The following TLK1 variants were observed in gnomAD, a reference collection of about 807,000 sequenced individuals.
TLK1 encodes tousled like kinase 1, also known as serine/threonine-protein kinase tousled-like 1.
TLK1 carries 24 observed loss-of-function variants against 105.3 expected under a neutral mutation model. The ratio of observed to expected loss-of-function variants is 0.23; its 90% confidence interval spans 0.17 to 0.32. The LOEUF is 0.32. Ranked by LOEUF, TLK1 falls within the 10% of genes least tolerant of loss-of-function variation. The probability of loss-of-function intolerance (pLI) is 1.00; values close to 1 mark genes in which losing one functional copy is unlikely to be tolerated. For missense variants in TLK1, 558 were observed against 910.5 expected (o/e 0.61, Z 4.98); for synonymous variants, 321 against 310.4 (o/e 1.03, Z -0.36).
At chr2:171,047,871 A>T (rs1033550240) in intron 10 of TLK1, among the ~76,000 whole-genome samples, 5 of 152,286 alleles carry the variant, frequency 3.3e-5, no homozygotes, top group Admixed American at 1.3e-4. Context: ...ACCAATTATA[A>T]ACGGCTTGAT....
chr2:171,229,078 C>A (rs1490669378), intron 1 of TLK1, among the ~76,000 whole-genome samples: 1 of 152,168 alleles, frequency 6.6e-6, no homozygotes, highest in East Asian at 1.9e-4. Flanking sequence ...CCTCAGGGAA[C>A]AATATGGTCT....
At chr2:171,123,158 T>C (rs996479431) in intron 1 of TLK1, among the ~76,000 whole-genome samples, 5 of 151,976 alleles carry the variant, frequency 3.3e-5, no homozygotes, top group African/African-American at 1.2e-4. Flanking sequence ...CCTCACTTAA[T>C]TGGGGTTTCC....
At chr2:170,995,596 A>C (rs1328592536) in intron 20 of TLK1, among the ~76,000 whole-genome samples, 1 of 152,262 alleles carries the variant, frequency 6.6e-6, no homozygotes, top group Admixed American at 6.5e-5. Flanking sequence ...ATGAGGCTAC[A>C]GACAGAAAAT....
intron 2 of TLK1, among the ~76,000 whole-genome samples, chr2:171,097,051 G>T (rs1467737093): frequency 6.6e-6 from 1 of 152,096 alleles, no homozygotes; most frequent in Non-Finnish European, 1.5e-5. Flanking sequence ...CAAAGCTGGA[G>T]GCATCATAGT....
intron 11 of TLK1, among the ~76,000 whole-genome samples, chr2:171,029,530 T>C (rs764153465): frequency 2.6e-5 from 4 of 152,230 alleles, no homozygotes; most frequent in Non-Finnish European, 5.9e-5. Context: ...GGTCTTGCTT[T>C]AGTGTCCAGG....
chr2:171,194,256 T>C (rs1163782918), intron 1 of TLK1, among the ~76,000 whole-genome samples: 1 of 152,130 alleles, frequency 6.6e-6, no homozygotes, highest in Non-Finnish European at 1.5e-5. Flanking sequence ...ATTGTGCCAT[T>C]TGTGGACTGT....
intron 1 of TLK1, among the ~76,000 whole-genome samples, chr2:171,166,121 A>G (rs1002267944): frequency 1.3e-5 from 2 of 152,266 alleles, no homozygotes; most frequent in African/African-American, 4.8e-5. Flanking sequence ...AAAAGCTACA[A>G]GTTAGAGCTG....
chr2:171,201,070 GA>G lies in TLK1; in HGVS notation c.-6+30074del. Among the ~76,000 whole-genome samples, 9 of 152,072 alleles carry G rather than the reference GA, an allele frequency of 5.9e-5. 1 individual carries two copies. The highest frequency in any genetic ancestry group is 5.9e-4 in the Admixed American group (9 of 15,276). On this transcript the variant is annotated intron_variant, in intron 1 of 20. Transcript: ENST00000521943. ...CTAAGTTTTTTGTATTTTTAGTAGAGAGGGGGTTTTACCATGTTAGCCAGGA... is the reference window on the plus strand; with the variant it reads ...CTAAGTTTTTTGTATTTTTAGTAGAGGGGGGTTTTACCATGTTAGCCAGGA...
chr2:171,157,101 T>G (rs1021335292), intron 1 of TLK1, among the ~76,000 whole-genome samples: 3 of 152,176 alleles, frequency 2.0e-5, no homozygotes, highest in African/African-American at 7.2e-5. Context: ...CCACCACTCC[T>G]GGCCCATACA....
intron 10 of TLK1, among the ~76,000 whole-genome samples, chr2:171,047,239 T>C (rs895615183): frequency 6.6e-6 from 1 of 152,158 alleles, no homozygotes; most frequent in Non-Finnish European, 1.5e-5. Flanking sequence ...GAGCATAAAG[T>C]AGTTAACAGT....
rs1044544941 is a variant in TLK1, at chr2:171,148,398, C to T, written c.139+11892G>A. 3.3e-5 allele frequency among the ~76,000 whole-genome samples: 5 copies of T among 151,030 alleles called. No individual in the cohort carries two copies. The Admixed American group carries it at 3.3e-4, about 10-fold the overall frequency. On this transcript the variant is annotated intron_variant, in intron 1 of 20. Coordinates refer to ENST00000431350, the MANE Select transcript of TLK1 (RefSeq NM_012290.5). ...TGGGTTGACATCCTTTTTTCAATCACTTCTCATCTGCGTGACTTTGGGCAT... is the reference window on the plus strand; with the variant it reads ...TGGGTTGACATCCTTTTTTCAATCATTTCTCATCTGCGTGACTTTGGGCAT...
rs527270117 is a variant in TLK1 at position 171,060,049 on chromosome 2, G to T, written c.406+1032C>A. The T allele has an allele frequency of 1.8e-5, 28 of 1,598,664 alleles. 1 individual carries two copies. The highest frequency in any genetic ancestry group is 3.3e-4 in the Middle Eastern group (2 of 5,976). ...AAGTCAAGTTTACTCCAAAGGAAGG[G>T]GGGAAAAAACACTGAAAGCCAGACT... On this transcript the variant is annotated intron_variant, in intron 4 of 20. Coordinates refer to ENST00000431350, the MANE Select transcript of TLK1 (RefSeq NM_012290.5).
At chr2:171,151,790 T>C (rs1692050919) in intron 1 of TLK1, among the ~76,000 whole-genome samples, 1 of 150,862 alleles carries the variant, frequency 6.6e-6, no homozygotes, top group African/African-American at 2.4e-5. Flanking sequence ...TATCTTTAAG[T>C]AAATGAAATA....
chr2:171,154,069 TAA>T (rs1165419172), intron 1 of TLK1: 1 of 126,454 alleles, frequency 7.9e-6, no homozygotes, highest in Non-Finnish European at 1.6e-5. Flanking sequence ...CATACCCAGC[TAA>T]CTTTTTTTTT....
At chr2:171,012,055 G>A (rs72886381) in intron 13 of TLK1, among the ~76,000 whole-genome samples, 31,355 of 151,602 alleles carry the variant, frequency 0.21, 3,853 homozygotes, top group Non-Finnish European at 0.28. Flanking sequence ...AACCAGAAGT[G>A]TTTCCGATTT....
intron 1 of TLK1, among the ~76,000 whole-genome samples, chr2:171,142,537 C>T (rs1691622735): frequency 6.6e-6 from 1 of 151,966 alleles, no homozygotes; most frequent in African/African-American, 2.4e-5. Context: ...AAGAGGGACA[C>T]GTCACAATAA....
At chr2:171,206,270 A>C (rs1693504067) in intron 1 of TLK1, among the ~76,000 whole-genome samples, 1 of 152,232 alleles carries the variant, frequency 6.6e-6, no homozygotes, top group South Asian at 2.1e-4. Context: ...GCTGACAATC[A>C]ATAGCATCTT....
intron 12 of TLK1, among the ~76,000 whole-genome samples, chr2:171,015,179 T>A (rs919530826): frequency 1.3e-5 from 2 of 152,098 alleles, no homozygotes; most frequent in Non-Finnish European, 2.9e-5. Context: ...CCTAATGAGA[T>A]GCTGGGTTTT....
chr2:171,089,265 T>C (rs1035930002), intron 2 of TLK1, among the ~76,000 whole-genome samples: 1 of 152,224 alleles, frequency 6.6e-6, no homozygotes, highest in Non-Finnish European at 1.5e-5. Flanking sequence ...CACACCTTAC[T>C]GTGTCATTTC....
Sources: allele counts gnomAD v4.1 joint callset (sites outside exome capture counted in the v4.1 genomes callset), GRCh38; gene constraint gnomAD v4.1.1; transcripts MANE v1.5; gene names NCBI Gene and HGNC (gene_info 2026-07-23, HGNC 2026-07-21).